Variants in BICC1 observed in about 807,000 individuals in gnomAD.
BICC1 encodes the protein protein bicaudal C homolog 1.
In BICC1, 43 loss-of-function variants were observed where a neutral mutation model predicts 111.0. That is an observed-to-expected ratio of 0.39 (90% CI 0.30 to 0.50). The LOEUF (loss-of-function observed/expected upper bound fraction) is 0.50, where lower values mean the gene tolerates loss of function less well. Among genes scored for constraint, BICC1 ranks in the 20% least tolerant of loss-of-function variants. The probability of loss-of-function intolerance (pLI) is 0.88; values close to 1 mark genes in which losing one functional copy is unlikely to be tolerated. For missense variants in BICC1, 1,091 were observed against 1,203.2 expected (o/e 0.91, Z 1.38); for synonymous variants, 467 against 434.4 (o/e 1.07, Z -0.93).
At position 58,789,880 on chromosome 10, in the gene BICC1, G is replaced by A. The variant is rs200593598; in HGVS notation, c.994G>A (p.Val332Ile). ...DPSNPQKKST[V>I]YLQGTIESVC... ...CAGTAATCCACAAAAGAAATCTACC[G>A]TCTACCTCCAGGGCACCATTGAGTC... Residue 332 changes from valine to isoleucine, a missense_variant, in exon 8 of 21, where the codon GTC becomes ATC. Val to Ile is a conservative substitution (Grantham distance 29, BLOSUM62 3). This residue lies in a region of BICC1 where 843 missense variants were observed against 900.8 expected (regional missense o/e 0.94). Transcript: ENST00000373886. 221 of 1,614,056 alleles carry A rather than the reference G, an allele frequency of 1.4e-4. No individual in the cohort carries two copies. Among genetic ancestry groups the A allele is most frequent in the African/African-American group, 4.7e-4 (35 of 75,022 alleles).
At chr10:58,712,755 T>C (rs958736311) in intron 3 of BICC1, among the ~76,000 whole-genome samples, 1 of 152,204 alleles carries the variant, frequency 6.6e-6, no homozygotes. Flanking sequence ...GAAATTATTC[T>C]GTATGATTTA....
chr10:58,693,956 T>C (rs1275868499), intron 2 of BICC1, among the ~76,000 whole-genome samples: 1 of 152,230 alleles, frequency 6.6e-6, no homozygotes, highest in Non-Finnish European at 1.5e-5. Flanking sequence ...TCCTGAATGG[T>C]ACTGGCTAGG....
chr10:58,579,970 A>AT (rs1844231451), intron 1 of BICC1, among the ~76,000 whole-genome samples: 3 of 99,892 alleles, frequency 3.0e-5, no homozygotes, highest in Non-Finnish European at 5.0e-5. Flanking sequence ...TTTTGCCCTA[A>AT]ATTTTTTTTT....
chr10:58,715,776 A>C, intron 3 of BICC1: 3 of 1,450,596 alleles, frequency 2.1e-6, no homozygotes, highest in Non-Finnish European at 2.9e-6. Flanking sequence ...AGAACTGGAA[A>C]AACACAGGGA....
intron 1 of BICC1, among the ~76,000 whole-genome samples, chr10:58,608,920 C>G (rs1395479229): frequency 1.3e-5 from 2 of 152,210 alleles, no homozygotes; most frequent in African/African-American, 4.8e-5. Flanking sequence ...AGGCATGTCT[C>G]TTCTTTGCCC....
chr10:58,571,743 C>T lies in BICC1; in HGVS notation c.191-49112C>T, dbSNP rs145287896. ...TTTTCTTTATTCAGTTTATCATTGA[C>T]GGGCATTTAGGTTGATTCCATGTCT... On this transcript the variant is annotated intron_variant, in intron 1 of 20. Transcript: ENST00000373886. Among the ~76,000 whole-genome samples the T allele has an allele frequency of 1.1e-3, 171 of 152,148 alleles. 1 individual carries two copies. Among genetic ancestry groups the T allele is most frequent in the African/African-American group, 3.8e-3 (158 of 41,516 alleles).
Position 58,785,027 on chromosome 10 carries a change from AAAG to A in BICC1, c.339_341del (p.Glu113del). 2 of 1,599,998 alleles carry A rather than the reference AAAG, an allele frequency of 1.3e-6. No individual in the cohort carries two copies. The highest frequency in any genetic ancestry group is 1.7e-6 in the Non-Finnish European group (2 of 1,171,734). On this transcript the variant is annotated inframe_deletion, in exon 4 of 21. Coordinates refer to ENST00000373886, the MANE Select transcript of BICC1 (RefSeq NM_001080512.3). Reference sequence around the variant, plus strand: ...TCCCCATATTAAGGTTTCTGGAAAGAAAGAAGATGTTAAAGAAGCCAAGGAAAT... The same window carrying A: ...TCCCCATATTAAGGTTTCTGGAAAGAAAGATGTTAAAGAAGCCAAGGAAAT...
At chr10:58,512,713 T>G (rs913652355), upstream of BICC1, among the ~76,000 whole-genome samples, 1 of 151,622 alleles carries the variant, frequency 6.6e-6, no homozygotes, top group African/African-American at 2.4e-5. Flanking sequence ...GTGTACGTGG[T>G]GTGTGTGTGC....
chr10:58,604,140 T>C (rs1845132725), intron 1 of BICC1, among the ~76,000 whole-genome samples: 1 of 152,162 alleles, frequency 6.6e-6, no homozygotes, highest in South Asian at 2.1e-4. Flanking sequence ...GCCCTCCAGA[T>C]TTTTGCCACA....
At chr10:58,659,012 G>A (rs1838753959) in intron 2 of BICC1, among the ~76,000 whole-genome samples, 1 of 151,946 alleles carries the variant, frequency 6.6e-6, no homozygotes, top group Admixed American at 6.6e-5. Flanking sequence ...ATACACGTAC[G>A]TATATCTATG....
chr10:58,512,227 G>A (rs7073504), upstream of BICC1, among the ~76,000 whole-genome samples: 77,743 of 152,024 alleles, frequency 0.51, 20,383 homozygotes, highest in African/African-American at 0.61. Context: ...CTCGTGCAGC[G>A]GGCCACTTTG....
intron 1 of BICC1, among the ~76,000 whole-genome samples, chr10:58,614,133 A>G (rs1192228491): frequency 4.6e-5 from 7 of 152,190 alleles, no homozygotes; most frequent in Admixed American, 3.3e-4. Flanking sequence ...ATTTGGGCTC[A>G]GAAGAATCCG....
intron 1 of BICC1, among the ~76,000 whole-genome samples, chr10:58,557,695 A>G (rs1296369718): frequency 6.6e-6 from 1 of 152,004 alleles, no homozygotes; most frequent in Admixed American, 6.6e-5. Context: ...CATCTTGAGA[A>G]GTTTAGTTGG....
chr10:58,758,273 C>T (rs963948446), intron 3 of BICC1, among the ~76,000 whole-genome samples: 2 of 152,088 alleles, frequency 1.3e-5, no homozygotes, highest in East Asian at 1.9e-4. Context: ...TAGCATGTGC[C>T]ATATATACTT....
intron 3 of BICC1, among the ~76,000 whole-genome samples, chr10:58,718,765 T>TGTGTGTGTGTGTGTGTGC (rs369039194): frequency 2.0e-5 from 3 of 148,154 alleles, no homozygotes; most frequent in Admixed American, 1.3e-4. Flanking sequence ...TGTGTGTGTG[T>TGTGTGTGTGTGTGTGTGC]GCGCGCGCGC....
intron 1 of BICC1, among the ~76,000 whole-genome samples, chr10:58,608,677 A>C (rs906929369): frequency 6.6e-6 from 1 of 152,174 alleles, no homozygotes; most frequent in Admixed American, 6.5e-5. Flanking sequence ...AAATGCTTAC[A>C]GGGTGCTGCT....
intron 1 of BICC1, among the ~76,000 whole-genome samples, chr10:58,542,080 A>C (rs144037003): frequency 7.0e-6 from 1 of 143,064 alleles, no homozygotes; most frequent in Non-Finnish European, 1.5e-5. Context: ...GAGTCCGGGA[A>C]GTTGAGGCAG....
At chr10:58,692,530 AG>A (rs1355892649) in intron 2 of BICC1, among the ~76,000 whole-genome samples, 2 of 152,242 alleles carry the variant, frequency 1.3e-5, no homozygotes, top group African/African-American at 4.8e-5. Flanking sequence ...ATAAATGTAT[AG>A]GAAAATGAAA....
intron 2 of BICC1, among the ~76,000 whole-genome samples, chr10:58,640,150 A>G (rs913593800): frequency 6.6e-6 from 1 of 152,162 alleles, no homozygotes; most frequent in Non-Finnish European, 1.5e-5. Context: ...ATTAAGCAAT[A>G]TAAGCTTCTT....
Sources: gnomAD v4.1 joint callset for allele counts (sites outside exome capture counted in the v4.1 genomes callset) on GRCh38, gnomAD v4.1.1 for gene constraint, gnomAD v4.1.1 regional missense constraint, MANE v1.5 for transcripts, NCBI Gene and HGNC (gene_info 2026-07-23, HGNC 2026-07-21) for gene names.